The following NIT1 variants were observed in gnomAD, a reference collection of about 807,000 sequenced individuals.
The protein encoded by NIT1 is nitrilase 1, also known as deaminated glutathione amidase.
NIT1 carries 30 observed loss-of-function variants against 36.8 expected under a neutral mutation model. The observed-to-expected ratio is 0.82, with a 90% CI of 0.61 to 1.11. The LOEUF is 1.11. Among genes scored for constraint, NIT1 ranks in the 50% least tolerant of loss-of-function variants. The pLI, the probability that NIT1 is intolerant of heterozygous loss-of-function variation, is 0.00. For missense variants in NIT1, 438 were observed against 410.6 expected (o/e 1.07, Z -0.58); for synonymous variants, 151 against 155.6 (o/e 0.97, Z 0.22).
At position 161,119,813 on chromosome 1, in the gene NIT1, C is replaced by A. The variant is rs1402055834; in HGVS notation, c.458-6C>A. 20 of 1,593,440 alleles carry A rather than the reference C, an allele frequency of 1.3e-5. No homozygotes were observed. In the East Asian group the frequency reaches 4.0e-4, roughly 32 times the overall value. On this transcript the variant is annotated splice_polypyrimidine_tract_variant and splice_region_variant and intron_variant, in intron 4 of 6. Coordinates refer to ENST00000368009, the MANE Select transcript of NIT1 (RefSeq NM_005600.3). Reference sequence around the variant, plus strand: ...CAGCACTGATATTCCTTCTTTCTTACTGTAGGGGCAGTAGTGGCCACTTAC... The same window carrying A: ...CAGCACTGATATTCCTTCTTTCTTAATGTAGGGGCAGTAGTGGCCACTTAC...
chr1:161,119,203 G>A lies in NIT1; in HGVS notation c.168G>A (p.Ser56=), dbSNP rs764855219. The A allele has an allele frequency of 6.8e-6, 11 of 1,613,990 alleles. No homozygotes were observed. Among genetic ancestry groups the A allele is most frequent in the South Asian group, 6.6e-5 (6 of 91,078 alleles). ...LPLVAVCQVT[S]TPDKQQNFKT... is the part of the protein sequence containing the mutation. ...TGGTGGCTGTGTGCCAGGTAACATC[G>A]ACGCCAGACAAGCAACAGAACTTTA... The change falls in exon 3 of 7, where the codon TCG becomes TCA. Residue 56 remains serine, a synonymous_variant. Coordinates refer to ENST00000368009, the MANE Select transcript of NIT1 (RefSeq NM_005600.3).
chr1:161,124,387 G>A (rs748440694), downstream of NIT1: 9 of 1,613,982 alleles, frequency 5.6e-6, no homozygotes, highest in African/African-American at 1.1e-4. Context: ...ATGCGGTGCA[G>A]GCTGTACAGC....
Position 161,121,002 on chromosome 1 carries a change from T to C in NIT1, c.*237T>C. The C allele has an allele frequency of 7.2e-7, 1 of 1,390,074 alleles. No individual in the cohort carries two copies. The allele number at this position is 1,390,074 out of a possible 1,614,324, so 86.1% of individuals were successfully genotyped here. ...TTTTATATAGTCATTGTTTATTTCA[T>C]GGAAACTGAAGTTCTGCTGAGGGCT... On this transcript the variant is annotated 3_prime_UTR_variant, in exon 7 of 7. Coordinates refer to ENST00000368009, the MANE Select transcript of NIT1 (RefSeq NM_005600.3).
chr1:161,120,678 C>T lies in NIT1; in HGVS notation c.897C>T (p.Asn299=). 4 of 1,614,160 alleles carry T rather than the reference C, an allele frequency of 2.5e-6. No individual in the cohort carries two copies. The highest frequency in any genetic ancestry group is 3.4e-6 in the Non-Finnish European group (4 of 1,180,040). ...TCTGCCTTGCCCGAATAGACCTCAA[C>T]TATCTGCGACAGTTGCGCCGACACC... The part of the protein sequence containing the change: ...PGLCLARIDL[N]YLRQLRRHLP... Residue 299 remains asparagine, a synonymous_variant, in exon 7 of 7, where the codon AAC becomes AAT. Coordinates refer to ENST00000368009, the MANE Select transcript of NIT1 (RefSeq NM_005600.3).
intron 3 of NIT1, 21 bp from the exon 4 acceptor site, chr1:161,119,488 G>C (rs751656514): frequency 6.2e-7 from 1 of 1,613,602 alleles, no homozygotes; most frequent in South Asian, 1.1e-5. Context: ...GTGAAGAGTT[G>C]TCAGTGTCCC....
chr1:161,120,335 A>G, intron 6 of NIT1, 103 bp downstream of exon 6: 1 of 1,485,532 alleles, frequency 6.7e-7, no homozygotes, highest in Non-Finnish European at 9.2e-7. Context: ...TAATGGGAAA[A>G]CTCATTCCCC....
downstream of NIT1, chr1:161,124,590 A>T: frequency 6.9e-7 from 1 of 1,458,622 alleles, no homozygotes; most frequent in Non-Finnish European, 9.0e-7. Flanking sequence ...ATGCATTCCC[A>T]TATTCCCAGT....
At chr1:161,123,411 G>A (rs187556975), downstream of NIT1, among the ~76,000 whole-genome samples, 3 of 152,238 alleles carry the variant, frequency 2.0e-5, no homozygotes, top group East Asian at 5.8e-4. Context: ...AGGCCAAGGC[G>A]GGTGGATCAT....
chr1:161,119,715 G>A, intron 4 of NIT1, 103 bp downstream of exon 4: 1 of 1,581,442 alleles, frequency 6.3e-7, no homozygotes. Context: ...AGGATTTAGG[G>A]GTGGTCCTAC....
chr1:161,122,874 T>G, downstream of NIT1: 1 of 949,774 alleles, frequency 1.1e-6, no homozygotes, highest in Non-Finnish European at 1.6e-6. This position sits in a 1 kb window ranked among gnomAD's most constrained non-coding sequence, Gnocchi z 4.2. Context: ...TGATGTAGTA[T>G]TAACTAACAA....
downstream of NIT1, chr1:161,124,258 A>G: frequency 4.3e-6 from 7 of 1,614,238 alleles, no homozygotes; most frequent in South Asian, 1.1e-5. Flanking sequence ...TCCAGTGCCA[A>G]TAAGAAGTCA....
At chr1:161,123,509 G>A (rs1439344530), downstream of NIT1, among the ~76,000 whole-genome samples, 2 of 151,948 alleles carry the variant, frequency 1.3e-5, no homozygotes, top group South Asian at 2.1e-4. Flanking sequence ...GCTGGCGGGC[G>A]CCTGTAGTCC....
chr1:161,122,084 G>T, downstream of NIT1: 1 of 1,571,524 alleles, frequency 6.4e-7, no homozygotes, highest in South Asian at 1.1e-5. This position sits in a 1 kb window ranked among gnomAD's most constrained non-coding sequence, Gnocchi z 4.2. Flanking sequence ...ACAAACCCCA[G>T]AACAGTGTAA....
At chr1:161,122,430 T>C (rs1655599115), downstream of NIT1, 1 of 1,614,084 alleles carries the variant, frequency 6.2e-7, no homozygotes. This position sits in a 1 kb window ranked among gnomAD's most constrained non-coding sequence, Gnocchi z 4.2. Flanking sequence ...GCGCTCAAAC[T>C]GGCGCTCAAG....
chr1:161,124,081 G>C (rs1217533410), downstream of NIT1: 33 of 1,582,980 alleles, frequency 2.1e-5, no homozygotes, highest in Non-Finnish European at 2.8e-5. Context: ...CGCCTATGCT[G>C]CTCCTTCCTG....
intron 5 of NIT1, 34 bp from the exon 6 acceptor site, chr1:161,120,073 G>C (rs1557972050): frequency 6.2e-6 from 10 of 1,613,860 alleles, no homozygotes; most frequent in Non-Finnish European, 7.6e-6. Flanking sequence ...AAACAGAGCA[G>C]GAAGACTACT....
chr1:161,120,385 C>T (rs1655323664), intron 6 of NIT1, 114 bp from the exon 7 acceptor site: 1 of 1,453,714 alleles, frequency 6.9e-7, no homozygotes, highest in Non-Finnish European at 9.4e-7. Flanking sequence ...GTAAATCATT[C>T]CTAGGCAATT....
In NIT1 at chr1:161,118,109, G is replaced by T. The variant is rs1038412831; in HGVS notation, c.-68G>T. ...CCGGCCTGCGAGTTACCGCCCACTC[G>T]CTGCGGCGCTTCTGGCTCCAGACCG... On this transcript the variant is annotated 5_prime_UTR_variant, in exon 1 of 7. Transcript: ENST00000368009. The T allele has an allele frequency of 6.2e-7, 1 of 1,613,180 alleles. No individual in the cohort carries two copies. The highest frequency in any genetic ancestry group is 1.7e-5 in the Admixed American group (1 of 59,962).
chr1:161,123,707 A>T (rs1655821007), downstream of NIT1: 1 of 632,808 alleles, frequency 1.6e-6, no homozygotes, highest in Non-Finnish European at 2.6e-6. Flanking sequence ...ACCTCGCCTG[A>T]TTTTTTTTTT....
Sources: allele counts gnomAD v4.1 joint callset (sites outside exome capture counted in the v4.1 genomes callset), GRCh38; gene constraint gnomAD v4.1.1; non-coding constraint Gnocchi (gnomAD v3.1); transcripts MANE v1.5; gene names NCBI Gene and HGNC (gene_info 2026-07-23, HGNC 2026-07-21).